NR2C2: variants seen among roughly 807,000 people sequenced by gnomAD.
NR2C2 encodes the protein Nuclear hormone receptor TR4.
In NR2C2, 6 loss-of-function variants were observed where a neutral mutation model predicts 62.9. That is an observed-to-expected ratio of 0.10 (90% CI 0.05 to 0.19). The LOEUF (loss-of-function observed/expected upper bound fraction) is 0.19. Among genes scored for constraint, NR2C2 ranks in the 10% least tolerant of loss-of-function variants. NR2C2 has a pLI of 1.00. For missense variants in NR2C2, 479 were observed against 762.7 expected (o/e 0.63, Z 4.38); for synonymous variants, 272 against 273.8 (o/e 0.99, Z 0.07).
chr3:15,002,284 A>C (rs2041029957), intron 1 of NR2C2, among the ~76,000 whole-genome samples: 1 of 152,088 alleles, frequency 6.6e-6, no homozygotes, highest in South Asian at 2.1e-4. Flanking sequence ...TTTTTTCATG[A>C]AATGTTGTTA....
At chr3:14,996,551 A>C (rs985491337) in intron 1 of NR2C2, among the ~76,000 whole-genome samples, 5 of 152,168 alleles carry the variant, frequency 3.3e-5, no homozygotes, top group Non-Finnish European at 7.4e-5. Flanking sequence ...TTGAAGTTTC[A>C]CGTTTTAGCT....
At chr3:14,993,156 T>C (rs1182615170) in intron 1 of NR2C2, among the ~76,000 whole-genome samples, 2 of 152,220 alleles carry the variant, frequency 1.3e-5, no homozygotes, top group East Asian at 3.9e-4. Context: ...CTCAATAAAA[T>C]ATTTCTGGGA....
chr3:15,028,594 A>G lies in NR2C2; in HGVS notation c.807A>G (p.Thr269=). The change falls in exon 8 of 14, where the codon ACA becomes ACG. Residue 269 remains threonine (T), a synonymous_variant. Coordinates refer to ENST00000425241, the MANE Select transcript of NR2C2 (RefSeq NM_001291694.2). The part of the protein sequence containing the change: ...VLLATDSKAE[T]SQGALGTLAN... ...TATTTTTTGTTTAATAGGCTGAAACAAGCCAGGGAGCTCTGGGCACACTGG... is the reference window on the plus strand; with the variant it reads ...TATTTTTTGTTTAATAGGCTGAAACGAGCCAGGGAGCTCTGGGCACACTGG... The G allele has an allele frequency of 2.5e-6, 4 of 1,612,516 alleles. No homozygotes were observed. In the African/African-American group the frequency reaches 4.0e-5, roughly 16 times the overall value.
intron 1 of NR2C2, among the ~76,000 whole-genome samples, chr3:14,968,124 C>A (rs1392236598): frequency 4.6e-5 from 7 of 152,166 alleles, no homozygotes; most frequent in Non-Finnish European, 8.8e-5. Context: ...CAACCAAAGC[C>A]AAAATTGAGA....
At chr3:14,955,231 A>C (rs1369733278) in intron 1 of NR2C2, among the ~76,000 whole-genome samples, 4 of 152,134 alleles carry the variant, frequency 2.6e-5, no homozygotes, top group African/African-American at 9.7e-5. Flanking sequence ...TGTGTAGGTT[A>C]AGTTTTAAGG....
At chr3:14,980,510 T>C (rs1431237480) in intron 1 of NR2C2, among the ~76,000 whole-genome samples, 4 of 152,034 alleles carry the variant, frequency 2.6e-5, no homozygotes, top group African/African-American at 4.8e-5. Flanking sequence ...TCTACTATTA[T>C]GTGATACATG....
intron 1 of NR2C2, among the ~76,000 whole-genome samples, chr3:14,980,164 G>C (rs1017876186): frequency 6.6e-6 from 1 of 151,974 alleles, no homozygotes; most frequent in Non-Finnish European, 1.5e-5. Context: ...GGTTGGGGGT[G>C]TTAGGGAACA....
chr3:15,029,922 G>A (rs1256491360), intron 8 of NR2C2, among the ~76,000 whole-genome samples: 3 of 151,606 alleles, frequency 2.0e-5, no homozygotes, highest in African/African-American at 4.8e-5. Context: ...AGGAAGGAAA[G>A]AGAGAAAAGG....
intron 1 of NR2C2, among the ~76,000 whole-genome samples, chr3:14,988,729 C>T (rs926775470): frequency 1.3e-4 from 19 of 151,486 alleles, no homozygotes; most frequent in African/African-American, 4.4e-4. Flanking sequence ...CTTTTTTTTC[C>T]CCTCTTGATT....
chr3:14,972,611 T>G (rs2040076160), intron 1 of NR2C2, among the ~76,000 whole-genome samples: 1 of 152,228 alleles, frequency 6.6e-6, no homozygotes, highest in Non-Finnish European at 1.5e-5. Context: ...TTCTGGATAT[T>G]AAGCCCTTAT....
At chr3:15,021,027 C>G (rs2041654702) in intron 5 of NR2C2, 95 bp downstream of exon 5, 7 of 1,242,570 alleles carry the variant, frequency 5.6e-6, no homozygotes, top group African/African-American at 1.5e-5. Context: ...CCTTAAAATA[C>G]TTTAAGAAAA....
intron 1 of NR2C2, among the ~76,000 whole-genome samples, chr3:14,995,065 T>C (rs1444855592): frequency 3.4e-5 from 5 of 148,782 alleles, no homozygotes; most frequent in Non-Finnish European, 7.4e-5. Context: ...ACTGCAGCCT[T>C]GACCCTCCGG....
At chr3:14,965,921 A>G (rs1433121214) in intron 1 of NR2C2, among the ~76,000 whole-genome samples, 2 of 152,132 alleles carry the variant, frequency 1.3e-5, no homozygotes, top group Admixed American at 6.6e-5. Context: ...TGCCTGCCTC[A>G]GCCTCCCAAA....
intron 1 of NR2C2, among the ~76,000 whole-genome samples, chr3:14,971,072 C>T (rs898425666): frequency 2.6e-5 from 4 of 152,136 alleles, no homozygotes; most frequent in African/African-American, 9.7e-5. Flanking sequence ...AAGATAGATT[C>T]GGCTAAGCCA....
chr3:14,979,353 C>G (rs1423138710), intron 1 of NR2C2, among the ~76,000 whole-genome samples: 2 of 152,188 alleles, frequency 1.3e-5, no homozygotes, highest in African/African-American at 2.4e-5. Flanking sequence ...TGTATCCATT[C>G]AGCAACTGTT....
chr3:15,037,280 A>G (rs1189304874), intron 11 of NR2C2, among the ~76,000 whole-genome samples: 1 of 151,540 alleles, frequency 6.6e-6, no homozygotes, highest in Admixed American at 6.6e-5. Context: ...GATGTTGCTC[A>G]AGCTGGTCTC....
rs568425137 is a variant in NR2C2, at chr3:15,040,701, T to C, written c.1616+1474T>C. Among the ~76,000 whole-genome samples, 17 of 152,368 alleles carry C rather than the reference T, an allele frequency of 1.1e-4. No individual in the cohort carries two copies. The East Asian group carries it at 2.3e-3, about 21-fold the overall frequency. On this transcript the variant is annotated intron_variant, in intron 13 of 13. Coordinates refer to ENST00000425241, the MANE Select transcript of NR2C2 (RefSeq NM_001291694.2). ...TTGGCGCACTTCTGTTGCCCAGATG[T>C]GGCTTTTACAAAAGCAAGATCCATT...
rs1024458575 is a variant in NR2C2, at chr3:15,021,300, A to C, written c.556+368A>C. On this transcript the variant is annotated intron_variant, in intron 5 of 13. Transcript: ENST00000425241. ...CTCAGCCACAGGGTCCTCATCTGTG[A>C]TCTACTTAATCACCTTACTTATATA... Among the ~76,000 whole-genome samples the C allele has an allele frequency of 7.9e-5, 12 of 152,312 alleles. No homozygotes were observed. In the South Asian group the frequency reaches 2.5e-3, roughly 32 times the overall value.
At chr3:14,950,114 A>G (rs925265701) in intron 1 of NR2C2, among the ~76,000 whole-genome samples, 1 of 151,272 alleles carries the variant, frequency 6.6e-6, no homozygotes, top group Non-Finnish European at 1.5e-5. Flanking sequence ...TGTTGTCATT[A>G]TGAACTACTG....
Sources: gnomAD v4.1 joint callset for allele counts (sites outside exome capture counted in the v4.1 genomes callset) on GRCh38, gnomAD v4.1.1 for gene constraint, MANE v1.5 for transcripts, NCBI Gene and HGNC (gene_info 2026-07-23, HGNC 2026-07-21) for gene names.